Variants in ATRNL1 observed in about 807,000 individuals in gnomAD.
ATRNL1 encodes the protein attractin like 1, also known as attractin-like protein 1.
In ATRNL1, 95 loss-of-function variants were observed where a neutral mutation model predicts 182.7. That is an observed-to-expected ratio of 0.52 (90% confidence interval 0.44 to 0.62). The LOEUF (loss-of-function observed/expected upper bound fraction) is 0.62, where lower values mean the gene tolerates loss of function less well. Among genes scored for constraint, ATRNL1 ranks in the 20% least tolerant of loss-of-function variants. The pLI, the probability that ATRNL1 is intolerant of heterozygous loss-of-function variation, is 0.00. For synonymous variants in ATRNL1, 576 were observed against 568.3 expected, an observed-to-expected ratio of 1.01 and a Z score of -0.19; for missense variants, 1,471 against 1,679.5, an observed-to-expected ratio of 0.88 and a Z score of 2.17.
intron 24 of ATRNL1, among the ~76,000 whole-genome samples, chr10:115,479,911 A>C (rs1848689313): frequency 6.6e-6 from 1 of 151,316 alleles, no homozygotes. Flanking sequence ...TCACAGTTTA[A>C]ATTAAATTAG....
chr10:115,351,036 A>AT (rs1856225254), intron 19 of ATRNL1, among the ~76,000 whole-genome samples: 1 of 151,434 alleles, frequency 6.6e-6, no homozygotes, highest in Non-Finnish European at 1.5e-5. Context: ...TTACTTTTTG[A>AT]TTTTTCAGAT....
intron 26 of ATRNL1, among the ~76,000 whole-genome samples, chr10:115,606,770 A>G (rs1555017708): frequency 1.3e-5 from 2 of 152,020 alleles, no homozygotes; most frequent in African/African-American, 4.8e-5. Context: ...CACCATTTTT[A>G]TTTCTACAGT....
chr10:115,253,690 C>T (rs1554905954), intron 10 of ATRNL1, among the ~76,000 whole-genome samples: 1 of 152,030 alleles, frequency 6.6e-6, no homozygotes, highest in Non-Finnish European at 1.5e-5. Flanking sequence ...TGTCGGTTTG[C>T]TGCACCCATC....
intron 3 of ATRNL1, among the ~76,000 whole-genome samples, chr10:115,122,621 T>G (rs957756684): frequency 2.0e-5 from 3 of 152,112 alleles, no homozygotes; most frequent in Non-Finnish European, 4.4e-5. Flanking sequence ...ATTTTTCTTT[T>G]TATTATTCAT....
intron 18 of ATRNL1, among the ~76,000 whole-genome samples, chr10:115,317,517 T>G (rs1371689852): frequency 3.3e-5 from 5 of 152,204 alleles, no homozygotes; most frequent in South Asian, 2.1e-4. Flanking sequence ...ATTCTTCCTC[T>G]CCATGAGATA....
intron 19 of ATRNL1, among the ~76,000 whole-genome samples, chr10:115,361,725 T>G (rs1856757671): frequency 6.6e-6 from 1 of 152,060 alleles, no homozygotes; most frequent in Admixed American, 6.6e-5. Flanking sequence ...TTTCCTCTCA[T>G]TTTTTAATGT....
At chr10:115,779,980 C>A (rs76144559) in intron 27 of ATRNL1, among the ~76,000 whole-genome samples, 6,784 of 152,278 alleles carry the variant, frequency 0.045, 431 homozygotes, top group African/African-American at 0.14. Context: ...AAGAAAAGCA[C>A]CTTCATAAGT....
intron 26 of ATRNL1, among the ~76,000 whole-genome samples, chr10:115,678,148 AAAT>A (rs1945927070): frequency 6.6e-6 from 1 of 152,116 alleles, no homozygotes; most frequent in African/African-American, 2.4e-5. Flanking sequence ...ATGATATAAA[AAAT>A]AATAATTCAA....
chr10:115,123,573 C>T (rs1268596419), intron 3 of ATRNL1, among the ~76,000 whole-genome samples: 5 of 152,116 alleles, frequency 3.3e-5, no homozygotes, highest in East Asian at 1.9e-4. Flanking sequence ...CATAGGCTAT[C>T]GCAGTGGCTT....
At chr10:115,306,380 A>C (rs1308763852) in intron 17 of ATRNL1, among the ~76,000 whole-genome samples, 1 of 152,140 alleles carries the variant, frequency 6.6e-6, no homozygotes, top group Non-Finnish European at 1.5e-5. Flanking sequence ...ATGCCAATCT[A>C]ATTTTCATTC....
intron 26 of ATRNL1, among the ~76,000 whole-genome samples, chr10:115,669,208 T>G (rs1354160610): frequency 6.6e-6 from 1 of 152,122 alleles, no homozygotes; most frequent in Non-Finnish European, 1.5e-5. Context: ...TTTAACAATG[T>G]ATATGTCATA....
At chr10:115,127,519 T>A (rs1845024827) in intron 3 of ATRNL1, 74 bp from the exon 4 acceptor site, 12 of 1,282,464 alleles carry the variant, frequency 9.4e-6, no homozygotes, top group Non-Finnish European at 1.3e-5. Context: ...TAAGAATATT[T>A]CTGAGTAAAT....
chr10:115,868,324 C>T (rs1279835697), intron 28 of ATRNL1, among the ~76,000 whole-genome samples: 1 of 152,048 alleles, frequency 6.6e-6, no homozygotes, highest in Admixed American at 6.5e-5. Flanking sequence ...GACTTCAGTA[C>T]TCACTTCTGT....
chr10:115,641,115 G>C (rs1045415340), intron 26 of ATRNL1, among the ~76,000 whole-genome samples: 1 of 152,084 alleles, frequency 6.6e-6, no homozygotes, highest in Non-Finnish European at 1.5e-5. Context: ...TGGAAGATGA[G>C]CCAATGCAAG....
chr10:115,571,541 T>A (rs1555003465), intron 26 of ATRNL1, among the ~76,000 whole-genome samples: 1 of 152,158 alleles, frequency 6.6e-6, no homozygotes, highest in African/African-American at 2.4e-5. Context: ...GTTGTAAGTA[T>A]TGAGACCTTC....
chr10:115,789,914 A>AT (rs1182925564), intron 27 of ATRNL1, among the ~76,000 whole-genome samples: 27 of 152,146 alleles, frequency 1.8e-4, no homozygotes, highest in Non-Finnish European at 3.8e-4. Context: ...CCAAGAGGTT[A>AT]TTTTTTTTAA....
At chr10:115,546,860 C>G (rs1852685626) in intron 25 of ATRNL1, among the ~76,000 whole-genome samples, 1 of 152,214 alleles carries the variant, frequency 6.6e-6, no homozygotes. Context: ...ATCCTGCATA[C>G]AAGAAAACCT....
intron 8 of ATRNL1, among the ~76,000 whole-genome samples, chr10:115,181,457 C>A (rs1592222021): frequency 6.6e-6 from 1 of 151,540 alleles, no homozygotes; most frequent in East Asian, 1.9e-4. Flanking sequence ...TCTTAGAAGT[C>A]TTTCAAAGAA....
chr10:115,157,805 T>C (rs1323924472), intron 5 of ATRNL1, among the ~76,000 whole-genome samples: 4 of 152,144 alleles, frequency 2.6e-5, no homozygotes, highest in African/African-American at 9.7e-5. Context: ...CCTGGATACC[T>C]TTGAGGGCTA....
Sources: gnomAD v4.1 joint callset for allele counts (sites outside exome capture counted in the v4.1 genomes callset) on GRCh38, gnomAD v4.1.1 for gene constraint, MANE v1.5 for transcripts, NCBI Gene and HGNC (gene_info 2026-07-23, HGNC 2026-07-21) for gene names.